Variants in WSCD2 observed in about 807,000 individuals in gnomAD.
WSCD2 encodes the protein sialate:O-sulfotransferase 2.
In WSCD2, 28 loss-of-function variants were observed where a neutral mutation model predicts 55.7. That is an observed-to-expected ratio of 0.50 (90% CI 0.37 to 0.69). The LOEUF is 0.69. Among genes scored for constraint, WSCD2 ranks in the 30% least tolerant of loss-of-function variants. The probability of loss-of-function intolerance (pLI) is 0.00; values close to 1 mark genes in which losing one functional copy is unlikely to be tolerated. For missense variants in WSCD2, 616 were observed against 762.1 expected (o/e 0.81, Z 2.26); for synonymous variants, 301 against 301.9 (o/e 1.00, Z 0.03).
At chr12:108,148,373 C>T (rs1877621684) in intron 1 of WSCD2, among the ~76,000 whole-genome samples, 1 of 152,180 alleles carries the variant, frequency 6.6e-6, no homozygotes, top group Admixed American at 6.5e-5. Flanking sequence ...AGAAAGGGGC[C>T]TGGCTTTTGT....
intron 6 of WSCD2, among the ~76,000 whole-genome samples, chr12:108,229,108 C>T (rs144996983): frequency 1.2e-3 from 188 of 152,220 alleles, no homozygotes; most frequent in African/African-American, 4.5e-3. Context: ...TCCATTTTGC[C>T]ACGTCACTCT....
chr12:108,156,026 GTTCAAATGTAATATT>G (rs1490613696), intron 1 of WSCD2, among the ~76,000 whole-genome samples: 1 of 152,142 alleles, frequency 6.6e-6, no homozygotes, highest in Non-Finnish European at 1.5e-5. Context: ...TTCAAATATT[GTTCAAATGTAATATT>G]TTGAAAGTGT....
At chr12:108,171,828 A>G (rs1335666264) in intron 1 of WSCD2, 2 of 152,234 alleles carry the variant, frequency 1.3e-5, no homozygotes, top group African/African-American at 4.8e-5. Context: ...CTGCTTGTAA[A>G]ATAAAGGTAA....
At chr12:108,147,689 CAA>C (rs201220588) in intron 1 of WSCD2, among the ~76,000 whole-genome samples, 4,772 of 151,986 alleles carry the variant, frequency 0.031, 135 homozygotes, top group Non-Finnish European at 0.043. Context: ...CCAGCCTGGG[CAA>C]TGTGGCAGAA....
chr12:108,235,327 T>G (rs1392969011), intron 7 of WSCD2, among the ~76,000 whole-genome samples: 1 of 152,064 alleles, frequency 6.6e-6, no homozygotes, highest in Non-Finnish European at 1.5e-5. Context: ...GCAAAGGGGG[T>G]TGGTCTCTGA....
chr12:108,192,941 T>A (rs919368258), intron 1 of WSCD2, among the ~76,000 whole-genome samples: 21 of 152,140 alleles, frequency 1.4e-4, no homozygotes, highest in African/African-American at 4.3e-4. Context: ...GGCTTTTTTT[T>A]TTTCTGGGCA....
At chr12:108,154,852 T>A (rs756968493) in intron 1 of WSCD2, among the ~76,000 whole-genome samples, 3 of 152,226 alleles carry the variant, frequency 2.0e-5, no homozygotes, top group African/African-American at 7.2e-5. Flanking sequence ...ATAATACATA[T>A]GCAATCAAGG....
At chr12:108,215,062 C>A (rs753572478) in intron 4 of WSCD2, among the ~76,000 whole-genome samples, 1 of 152,214 alleles carries the variant, frequency 6.6e-6, no homozygotes, top group Admixed American at 6.5e-5. Flanking sequence ...CTGGAGGCTT[C>A]TTCTACTTCC....
chr12:108,218,419 G>A (rs563324765), intron 4 of WSCD2, among the ~76,000 whole-genome samples: 55 of 152,314 alleles, frequency 3.6e-4, no homozygotes, highest in African/African-American at 1.3e-3. Flanking sequence ...CTCTGGTGTG[G>A]TGCCAGAATG....
At chr12:108,169,999 C>T (rs1231881804) in intron 1 of WSCD2, among the ~76,000 whole-genome samples, 1 of 152,178 alleles carries the variant, frequency 6.6e-6, no homozygotes, top group Non-Finnish European at 1.5e-5. Flanking sequence ...ACTGTGCTCC[C>T]AAAGCCTTCT....
intron 2 of WSCD2, chr12:108,196,457 A>C (rs1008214954): frequency 5.6e-6 from 3 of 533,428 alleles, no homozygotes. Flanking sequence ...TTTGAACTCC[A>C]CATCTATCAG....
intron 8 of WSCD2, among the ~76,000 whole-genome samples, chr12:108,245,748 A>G (rs1296787925): frequency 6.6e-6 from 1 of 152,256 alleles, no homozygotes; most frequent in African/African-American, 2.4e-5. Flanking sequence ...AACAGAGCAT[A>G]CAACATGCTC....
At chr12:108,141,833 A>C (rs73199506) in intron 1 of WSCD2, among the ~76,000 whole-genome samples, 1 of 152,114 alleles carries the variant, frequency 6.6e-6, no homozygotes, top group African/African-American at 2.4e-5. Context: ...AAACCTTGTA[A>C]AGAGTTTAAG....
intron 2 of WSCD2, among the ~76,000 whole-genome samples, chr12:108,198,490 T>C (rs1005730032): frequency 6.6e-5 from 10 of 152,218 alleles, no homozygotes; most frequent in African/African-American, 2.2e-4. Flanking sequence ...TGTTTGTCCA[T>C]GTCCCCTGAT....
chr12:108,203,480 G>A (rs1435591258), intron 2 of WSCD2, among the ~76,000 whole-genome samples: 1 of 152,140 alleles, frequency 6.6e-6, no homozygotes, highest in Non-Finnish European at 1.5e-5. Flanking sequence ...CTTCCTTGAA[G>A]CAAACACTGG....
At chr12:108,146,494 G>C (rs149689334) in intron 1 of WSCD2, among the ~76,000 whole-genome samples, 4 of 152,360 alleles carry the variant, frequency 2.6e-5, no homozygotes, top group African/African-American at 9.6e-5. Context: ...TCACCAGAAA[G>C]TATTTTTAAA....
rs140621103 is a variant in WSCD2 at position 108,130,962 on chromosome 12, C to T, written c.-552+1036C>T. ...TGGTCTCTGAGGATCATTTTAGAGC[C>T]GCCCCTGTGGTCACAGCCCCATAGA... On this transcript the variant is annotated intron_variant, in intron 1 of 8. Coordinates refer to ENST00000547525, the MANE Select transcript of WSCD2 (RefSeq NM_014653.4). 8.4e-3 allele frequency among the ~76,000 whole-genome samples: 1,277 copies of T among 152,232 alleles called. 8 individuals are homozygous for T. Among genetic ancestry groups the T allele is most frequent in the Non-Finnish European group, 0.013 (888 of 68,008 alleles).
intron 2 of WSCD2, among the ~76,000 whole-genome samples, chr12:108,200,858 C>T (rs1884577810): frequency 6.6e-6 from 1 of 152,116 alleles, no homozygotes; most frequent in Non-Finnish European, 1.5e-5. Flanking sequence ...ATCCCTTCTG[C>T]CCTGGGGAAG....
At chr12:108,190,791 G>T (rs895113989) in intron 1 of WSCD2, among the ~76,000 whole-genome samples, 3 of 152,058 alleles carry the variant, frequency 2.0e-5, no homozygotes, top group East Asian at 3.9e-4. Context: ...TGCCAGCCCT[G>T]GGGGGGAGGC....
Sources: allele counts gnomAD v4.1 joint callset (sites outside exome capture counted in the v4.1 genomes callset), GRCh38; gene constraint gnomAD v4.1.1; transcripts MANE v1.5; gene names NCBI Gene and HGNC (gene_info 2026-07-23, HGNC 2026-07-21).